RFX1: variants seen among roughly 807,000 people sequenced by gnomAD.
RFX1 encodes MHC class II regulatory factor RFX1.
RFX1 carries 42 observed loss-of-function variants against 119.6 expected under a neutral mutation model. The observed-to-expected ratio is 0.35, with a 90% CI of 0.27 to 0.45. The LOEUF (loss-of-function observed/expected upper bound fraction) is 0.45. Ranked by LOEUF, RFX1 falls within the 20% of genes least tolerant of loss-of-function variation. The probability of loss-of-function intolerance (pLI) is 1.00; values close to 1 mark genes in which losing one functional copy is unlikely to be tolerated. For synonymous variants in RFX1, 628 were observed against 618.5 expected (o/e 1.02, Z -0.23); for missense variants, 1,118 against 1,368.1 (o/e 0.82, Z 2.88).
rs570919495 is a variant in RFX1 at position 13,966,261 on chromosome 19, T to C, written c.1961+160A>G. On this transcript the variant is annotated intron_variant, in intron 14 of 20. Coordinates refer to ENST00000254325, the MANE Select transcript of RFX1 (RefSeq NM_002918.5). This position sits in a 1 kb window ranked among gnomAD's most constrained non-coding sequence, Gnocchi z 6.3. ...TAGTCAGGCACTCCACCCCCGACTG[T>C]TGAGTGTCGGGTGGCTATACACACT... Among the ~76,000 whole-genome samples, 49 of 152,266 alleles carry C rather than the reference T, an allele frequency of 3.2e-4. No individual in the cohort carries two copies. The highest frequency in any genetic ancestry group is 3.4e-3 in the Middle Eastern group (1 of 294).
At chr19:13,976,489 G>A (rs973630728) in intron 8 of RFX1, among the ~76,000 whole-genome samples, 8 of 152,204 alleles carry the variant, frequency 5.3e-5, no homozygotes, top group African/African-American at 1.7e-4. Flanking sequence ...TGCCTGACAC[G>A]GCCCATACAC....
rs757298835 is a variant in RFX1, at chr19:13,983,275, G to A, written c.430-5C>T. On this transcript the variant is annotated splice_polypyrimidine_tract_variant and splice_region_variant and intron_variant, in intron 3 of 20. Transcript: ENST00000254325. ...GCTCGTCTGGACCAGCAGCCGCTGTGGAGACAAGGCAGGAGGAGCTGAGCT... is the reference window on the plus strand; with the variant it reads ...GCTCGTCTGGACCAGCAGCCGCTGTAGAGACAAGGCAGGAGGAGCTGAGCT... 3.5e-5 allele frequency: 55 copies of A among 1,550,338 alleles called. No homozygotes were observed. Among genetic ancestry groups the A allele is most frequent in the Non-Finnish European group, 4.3e-5 (50 of 1,152,668 alleles).
At position 13,962,683 on chromosome 19, in the gene RFX1, G is replaced by GGGGGGGGGGGGGC; in HGVS notation, c.*11_*12insGCCCCCCCCCCCC. 1.1e-6 allele frequency: 1 copy of GGGGGGGGGGGGGC among 878,504 alleles called. No individual in the cohort carries two copies. Among genetic ancestry groups the GGGGGGGGGGGGGC allele is most frequent in the Non-Finnish European group, 1.6e-6 (1 of 624,646 alleles). The allele number at this position is 878,504 out of a possible 1,614,324, so 54.4% of individuals were successfully genotyped here. ...GGGTGGCGGGGGCGGGTGGGGCGGG[G>GGGGGGGGGGGGGC]AGGCCAAGGGCTTAGCTGGAGGGCA... On this transcript the variant is annotated 3_prime_UTR_variant, in exon 21 of 21. Coordinates refer to ENST00000254325, the MANE Select transcript of RFX1 (RefSeq NM_002918.5).
chr19:13,992,316 G>C (rs1974834704), intron 2 of RFX1, among the ~76,000 whole-genome samples: 1 of 152,166 alleles, frequency 6.6e-6, no homozygotes, highest in South Asian at 2.1e-4. Context: ...CCCAGGCTGT[G>C]CTGCCATTCC....
At chr19:13,991,756 G>A (rs1318894180) in intron 2 of RFX1, among the ~76,000 whole-genome samples, 1 of 152,102 alleles carries the variant, frequency 6.6e-6, no homozygotes, top group Non-Finnish European at 1.5e-5. Context: ...CTGCCTCCGG[G>A]TTCAAGTGAT....
intron 2 of RFX1, among the ~76,000 whole-genome samples, chr19:13,989,585 G>A (rs1246630221): frequency 3.3e-5 from 5 of 152,140 alleles, no homozygotes; most frequent in African/African-American, 1.2e-4. Flanking sequence ...CAGACAGAGA[G>A]AAAGAGAGTG....
intron 2 of RFX1, among the ~76,000 whole-genome samples, chr19:13,991,540 C>T (rs560800641): frequency 5.3e-5 from 8 of 152,298 alleles, no homozygotes; most frequent in African/African-American, 1.7e-4. Context: ...TGCATGTTCC[C>T]GCCCCAAACC....
intron 8 of RFX1, 152 bp from the exon 9 acceptor site, chr19:13,973,279 G>A (rs1974150153): frequency 7.8e-6 from 5 of 644,860 alleles, no homozygotes; most frequent in South Asian, 1.8e-5. Context: ...CATCTACAAC[G>A]GACTGGGTAC....
chr19:13,969,870 G>A lies in RFX1; in HGVS notation c.1496+124C>T. On this transcript the variant is annotated intron_variant, in intron 10 of 20. Transcript: ENST00000254325. This position sits in a 1 kb window ranked among gnomAD's most constrained non-coding sequence, Gnocchi z 4.5. The stretch of plus-strand genomic sequence containing the variant: ...AGTGGGAGTGAGCGGGGCTGTCGAG[G>A]AGCCTCGCAGAGGCCGGCGGGACTG... The A allele has an allele frequency of 1.1e-6, 1 of 941,330 alleles. No individual in the cohort carries two copies. Among genetic ancestry groups the A allele is most frequent in the East Asian group, 2.7e-5 (1 of 37,566 alleles). 58.3% of individuals were successfully genotyped at this position (941,330 alleles called of 1,614,324 possible).
Position 13,993,701 on chromosome 19 carries a change from G to A in RFX1, c.143C>T (p.Ala48Val). The A allele has an allele frequency of 1.3e-6, 2 of 1,573,200 alleles. No individual in the cohort carries two copies. Among genetic ancestry groups the A allele is most frequent in the Non-Finnish European group, 1.7e-6 (2 of 1,159,602 alleles). ...GGTGACATATTGGGGCTGAGGGGTGGCAGCAGCGGTGGGTGGCTGCGGGGG... is the reference window on the plus strand; with the variant it reads ...GGTGACATATTGGGGCTGAGGGGTGACAGCAGCGGTGGGTGGCTGCGGGGG... ...PQPPQPPTAA[A>V]TPQPQYVTEL... Residue 48 changes from alanine (A) to valine (V), a missense_variant, in exon 2 of 21, where the codon GCC becomes GTC. Ala to Val is a moderately conservative substitution (Grantham distance 64). Coordinates refer to ENST00000254325, the MANE Select transcript of RFX1 (RefSeq NM_002918.5).
chr19:13,996,556 C>CA (rs1035170188), intron 1 of RFX1, among the ~76,000 whole-genome samples: 4 of 152,158 alleles, frequency 2.6e-5, no homozygotes, highest in Non-Finnish European at 4.4e-5. Context: ...AGGGAGGCAT[C>CA]ATCATGCCCA....
In RFX1 at chr19:13,972,872, A is replaced by ACCGCCTCCCCCGCCG. The variant is rs1568463670; in HGVS notation, c.1170_1184dup (p.Gly395_Gly399dup). The ACCGCCTCCCCCGCCG allele has an allele frequency of 1.9e-6, 3 of 1,554,110 alleles. No individual in the cohort carries two copies. Among genetic ancestry groups the ACCGCCTCCCCCGCCG allele is most frequent in the East Asian group, 2.4e-5 (1 of 41,664 alleles). On this transcript the variant is annotated inframe_insertion, in exon 9 of 21. Coordinates refer to ENST00000254325, the MANE Select transcript of RFX1 (RefSeq NM_002918.5). Reference sequence around the variant, plus strand: ...CGGTGCTGCCACTGCCACCCCCGCCACCGCCTCCCCCGCCGCCGCCGCCAC... The same window carrying ACCGCCTCCCCCGCCG: ...CGGTGCTGCCACTGCCACCCCCGCCACCGCCTCCCCCGCCGCCGCCTCCCCCGCCGCCGCCGCCAC...
intron 7 of RFX1, among the ~76,000 whole-genome samples, 194 bp downstream of exon 7, chr19:13,979,253 G>A (rs1049341310): frequency 2.3e-4 from 35 of 152,180 alleles, no homozygotes; most frequent in Non-Finnish European, 4.3e-4. Context: ...GAAAGAAGAG[G>A]GGTTTGAATC....
Position 13,965,539 on chromosome 19 carries a change from C to A in RFX1, c.2121G>T (p.Leu707Phe), listed in dbSNP as rs886525443. Reference sequence around the variant, plus strand: ...TGGCAAAGTTCCGGATCGCTTGGGTCAAGGCACCTGTGGGCGGTGGCGGGG... The same window carrying A: ...TGGCAAAGTTCCGGATCGCTTGGGTAAAGGCACCTGTGGGCGGTGGCGGGG... The part of the protein sequence containing the change: ...PDVLRPIPSA[L>F]TQAIRNFAKS... The change falls in exon 16 of 21, where the codon TTG becomes TTT. Residue 707 changes from leucine (L) to phenylalanine (F), a missense_variant. Leu to Phe is a conservative substitution (Grantham distance 22). Transcript: ENST00000254325. The surrounding 1 kb of genome is among the most constrained non-coding windows in gnomAD (Gnocchi z 4.7). 19 of 1,612,780 alleles carry A rather than the reference C, an allele frequency of 1.2e-5. 1 individual carries two copies. The Middle Eastern group carries it at 8.2e-4, about 70-fold the overall frequency.
chr19:13,986,081 G>C lies in RFX1; in HGVS notation c.320-2486C>G, dbSNP rs923574464. Among the ~76,000 whole-genome samples the C allele has an allele frequency of 4.6e-5, 7 of 152,228 alleles. No individual in the cohort carries two copies. Among genetic ancestry groups the C allele is most frequent in the African/African-American group, 1.7e-4 (7 of 41,466 alleles). On this transcript the variant is annotated intron_variant, in intron 2 of 20. Coordinates refer to ENST00000254325, the MANE Select transcript of RFX1 (RefSeq NM_002918.5). The surrounding 1 kb of genome is among the most constrained non-coding windows in gnomAD (Gnocchi z 4.2). ...CTGAGCCATAAGGGAGGAGGCCCTT[G>C]CTGAGAGGGCCCCTCCTGGGAGAAA...
At position 13,980,731 on chromosome 19, in the gene RFX1, T is replaced by TGCATCCTCTCTGGGGTGGGCGC; in HGVS notation, c.622-43_622-42insGCGCCCACCCCAGAGAGGATGC. The stretch of plus-strand genomic sequence containing the variant: ...CACAGGAGTGCCGCTGGGGTGGGCT[T>TGCATCCTCTCTGGGGTGGGCGC]GCATCCTCTCTGAGGTGGGCTCACA... On this transcript the variant is annotated intron_variant, in intron 5 of 20. Coordinates refer to ENST00000254325, the MANE Select transcript of RFX1 (RefSeq NM_002918.5). This position sits in a 1 kb window ranked among gnomAD's most constrained non-coding sequence, Gnocchi z 5.1. 8.3e-7 allele frequency: 1 copy of TGCATCCTCTCTGGGGTGGGCGC among 1,201,556 alleles called. No homozygotes were observed. Among genetic ancestry groups the TGCATCCTCTCTGGGGTGGGCGC allele is most frequent in the East Asian group, 2.4e-5 (1 of 41,412 alleles). The allele number at this position is 1,201,556 out of a possible 1,614,324, so 74.4% of individuals were successfully genotyped here.
intron 1 of RFX1, among the ~76,000 whole-genome samples, chr19:14,005,862 C>G (rs965633257): frequency 1.3e-5 from 2 of 151,826 alleles, no homozygotes; most frequent in Non-Finnish European, 2.9e-5. Context: ...CCCGGCCTGC[C>G]GACCTCCACT....
intron 1 of RFX1, among the ~76,000 whole-genome samples, chr19:13,997,198 GCCTCCCTGTGCCTC>G (rs1028094038): frequency 2.9e-4 from 44 of 152,148 alleles, no homozygotes; most frequent in Admixed American, 8.5e-4. Context: ...CATCCTTCAC[GCCTCCCTGTGCCTC>G]CCTCCCCCGG....
intron 1 of RFX1, among the ~76,000 whole-genome samples, chr19:13,997,682 C>T (rs1975082234): frequency 1.3e-5 from 2 of 152,224 alleles, no homozygotes; most frequent in South Asian, 2.1e-4. Context: ...GGAGGGACTC[C>T]AGGACCCTCC....
Sources: allele counts gnomAD v4.1 joint callset (sites outside exome capture counted in the v4.1 genomes callset), GRCh38; gene constraint gnomAD v4.1.1; non-coding constraint Gnocchi (gnomAD v3.1); transcripts MANE v1.5; gene names NCBI Gene and HGNC (gene_info 2026-07-23, HGNC 2026-07-21).